Variants in PTPRD observed in about 807,000 individuals in gnomAD.
PTPRD encodes the protein protein tyrosine phosphatase receptor type D.
PTPRD carries 34 observed loss-of-function variants against 214.5 expected under a neutral mutation model. That is an observed-to-expected ratio of 0.16 (90% CI 0.12 to 0.21). The LOEUF (loss-of-function observed/expected upper bound fraction) is 0.21, where lower values mean the gene tolerates loss of function less well. PTPRD is among the 10% of genes least tolerant of loss of function. The pLI, the probability that PTPRD is intolerant of heterozygous loss-of-function variation, is 1.00. For synonymous variants in PTPRD, 1,128 were observed against 845.7 expected (o/e 1.33, Z -5.79); for missense variants, 2,545 against 2,398.7 (o/e 1.06, Z -1.27).
intron 8 of PTPRD, among the ~76,000 whole-genome samples, chr9:9,458,864 T>C (rs576018810): frequency 6.6e-6 from 1 of 152,032 alleles, no homozygotes; most frequent in South Asian, 2.1e-4. Flanking sequence ...TGCTTGAGCT[T>C]GGGAGGGAGA....
intron 7 of PTPRD, among the ~76,000 whole-genome samples, chr9:9,727,897 G>A (rs965718914): frequency 6.6e-6 from 1 of 152,148 alleles, no homozygotes; most frequent in Admixed American, 6.5e-5. Flanking sequence ...TATAGAGGTA[G>A]ATTTTAATGT....
At chr9:8,356,528 C>T (rs1420327334) in intron 39 of PTPRD, among the ~76,000 whole-genome samples, 1 of 152,150 alleles carries the variant, frequency 6.6e-6, no homozygotes, top group Non-Finnish European at 1.5e-5. Flanking sequence ...AGTCTGGGAA[C>T]ATTTCAAAAT....
At chr9:9,740,073 G>A (rs1596426297) in intron 6 of PTPRD, among the ~76,000 whole-genome samples, 4 of 152,080 alleles carry the variant, frequency 2.6e-5, no homozygotes, top group Admixed American at 2.6e-4. Flanking sequence ...TTATGATTCA[G>A]CATCTGGTCA....
At chr9:10,550,829 A>G (rs1378836753) in intron 2 of PTPRD, among the ~76,000 whole-genome samples, 1 of 152,220 alleles carries the variant, frequency 6.6e-6, no homozygotes, top group Non-Finnish European at 1.5e-5. Context: ...GGCCAGATAT[A>G]AGCTTTTTCT....
intron 35 of PTPRD, among the ~76,000 whole-genome samples, chr9:8,418,863 AG>A (rs1319077875): frequency 6.6e-6 from 1 of 152,114 alleles, no homozygotes; most frequent in Admixed American, 6.6e-5. Context: ...GTATACTGGA[AG>A]AATAAAAATA....
intron 14 of PTPRD, among the ~76,000 whole-genome samples, chr9:8,543,491 G>A (rs1256656890): frequency 6.6e-6 from 1 of 152,152 alleles, no homozygotes; most frequent in Admixed American, 6.6e-5. Flanking sequence ...AAGGAAGGAA[G>A]AATGTGTATT....
At chr9:8,483,082 G>C (rs1196874542) in intron 30 of PTPRD, among the ~76,000 whole-genome samples, 1 of 152,128 alleles carries the variant, frequency 6.6e-6, no homozygotes, top group Non-Finnish European at 1.5e-5. Context: ...AGTACTTGTA[G>C]TTCATATATT....
At chr9:9,105,421 G>A (rs574166459) in intron 10 of PTPRD, among the ~76,000 whole-genome samples, 48 of 152,264 alleles carry the variant, frequency 3.2e-4, no homozygotes, top group Admixed American at 9.8e-4. Flanking sequence ...AGTGACTATA[G>A]TTGATAAAAA....
intron 3 of PTPRD, among the ~76,000 whole-genome samples, chr9:10,332,125 T>C (rs1386761471): frequency 6.6e-6 from 1 of 151,896 alleles, no homozygotes; most frequent in Non-Finnish European, 1.5e-5. Context: ...ATGCATTTCA[T>C]GTGAAAGTGT....
chr9:8,494,405 T>C (rs1397843725), intron 26 of PTPRD, among the ~76,000 whole-genome samples: 1 of 152,202 alleles, frequency 6.6e-6, no homozygotes, highest in African/African-American at 2.4e-5. Flanking sequence ...TTCCAGGACC[T>C]TGGAATGGTT....
intron 29 of PTPRD, 100 bp from the exon 30 acceptor site, chr9:8,484,478 G>A (rs2096954946): frequency 2.5e-6 from 3 of 1,201,334 alleles, no homozygotes; most frequent in Non-Finnish European, 3.4e-6. Flanking sequence ...TGTATATATA[G>A]TCAATTCTAA....
At position 9,550,839 on chromosome 9, in the gene PTPRD, T is replaced by G. The variant is rs559362376; in HGVS notation, c.-237+23893A>C. Among the ~76,000 whole-genome samples the G allele has an allele frequency of 1.8e-4, 27 of 151,942 alleles. 1 individual carries two copies. The highest frequency in any genetic ancestry group is 3.4e-4 in the Non-Finnish European group (23 of 67,868). ...AGGATATAGAGAGTATATAAGTACA[T>G]GAAAATATGTTCAATATCATTAGCC... On this transcript the variant is annotated intron_variant, in intron 8 of 45. Transcript: ENST00000381196.
chr9:10,442,947 G>T (rs1419959103), intron 2 of PTPRD, among the ~76,000 whole-genome samples: 1 of 151,416 alleles, frequency 6.6e-6, no homozygotes, highest in South Asian at 2.1e-4. Context: ...GTGTAGAAAT[G>T]AATGTATTCA....
chr9:8,575,674 C>T (rs1425699904), intron 14 of PTPRD, among the ~76,000 whole-genome samples: 1 of 152,070 alleles, frequency 6.6e-6, no homozygotes, highest in Non-Finnish European at 1.5e-5. Flanking sequence ...GTCAGAAAAA[C>T]AAGAAGGCTC....
At chr9:10,346,906 A>C (rs541943385) in intron 2 of PTPRD, among the ~76,000 whole-genome samples, 16 of 152,292 alleles carry the variant, frequency 1.1e-4, no homozygotes, top group African/African-American at 3.6e-4. Context: ...CTAATTATCA[A>C]TTTGTTAGAA....
chr9:9,693,773 A>G (rs760974590), intron 7 of PTPRD, among the ~76,000 whole-genome samples: 2 of 152,020 alleles, frequency 1.3e-5, no homozygotes, highest in Non-Finnish European at 2.9e-5. Context: ...GATGTGCTTC[A>G]TTTTTTAATA....
chr9:8,745,181 A>G (rs2154449785), intron 11 of PTPRD, among the ~76,000 whole-genome samples: 1 of 152,352 alleles, frequency 6.6e-6, no homozygotes, highest in Non-Finnish European at 1.5e-5. Context: ...TTAACAGACA[A>G]TGCATGAAGT....
At chr9:10,219,340 T>G (rs1270313497) in intron 3 of PTPRD, among the ~76,000 whole-genome samples, 4 of 151,932 alleles carry the variant, frequency 2.6e-5, no homozygotes, top group Non-Finnish European at 4.4e-5. Context: ...AAGTAAATAC[T>G]GCTCCACACC....
chr9:10,475,209 A>C (rs1257150853), intron 2 of PTPRD, among the ~76,000 whole-genome samples: 1 of 152,132 alleles, frequency 6.6e-6, no homozygotes, highest in Non-Finnish European at 1.5e-5. Flanking sequence ...GATTTTTTTG[A>C]AAAGATTAAC....
Sources: allele counts gnomAD v4.1 joint callset (sites outside exome capture counted in the v4.1 genomes callset), GRCh38; gene constraint gnomAD v4.1.1; transcripts MANE v1.5; gene names NCBI Gene and HGNC (gene_info 2026-07-23, HGNC 2026-07-21).